Variants in SACS observed in about 807,000 individuals in gnomAD.
The protein encoded by SACS is sacsin molecular chaperone.
Under a neutral mutation model 348.0 loss-of-function variants are expected in SACS, and 197 were observed. That is an observed-to-expected ratio of 0.57 (90% CI 0.50 to 0.64). The LOEUF (loss-of-function observed/expected upper bound fraction) is 0.64, where lower values mean the gene tolerates loss of function less well. Ranked by LOEUF, SACS falls within the 30% of genes least tolerant of loss-of-function variation. The pLI, the probability that SACS is intolerant of heterozygous loss-of-function variation, is 0.00. For missense variants in SACS, 4,999 were observed against 5,360.8 expected (o/e 0.93, Z 2.11); for synonymous variants, 1,985 against 1,910.6 (o/e 1.04, Z -1.02).
At chr13:23,413,609 G>A (rs1216082762) in intron 1 of SACS, among the ~76,000 whole-genome samples, 9 of 152,082 alleles carry the variant, frequency 5.9e-5, no homozygotes, top group Admixed American at 5.9e-4. Context: ...AAGCTATACT[G>A]ATTACATTAT....
chr13:23,413,032 C>T (rs2137968075), intron 1 of SACS, among the ~76,000 whole-genome samples: 1 of 152,176 alleles, frequency 6.6e-6, no homozygotes, highest in Admixed American at 6.5e-5. Context: ...GGCTGGAGTG[C>T]AATGGCACAA....
At position 23,339,091 on chromosome 13, in the gene SACS, T is replaced by C; in HGVS notation, c.4785A>G (p.Lys1595=). Residue 1595 remains lysine (K), a synonymous_variant, in exon 10 of 10, where the codon AAA becomes AAG. Coordinates refer to ENST00000382292, the MANE Select transcript of SACS (RefSeq NM_014363.6). Reference sequence around the variant, plus strand: ...AATTAATTTTGATCCCAGGATTGGATTTGTCTTTAATGTGTTTACTGATAT... The same window carrying C: ...AATTAATTTTGATCCCAGGATTGGACTTGTCTTTAATGTGTTTACTGATAT... ...INHISKHIKD[K]SNPGIKINWS... is the part of the protein sequence containing the mutation. 1 of 1,611,968 alleles carries C rather than the reference T, an allele frequency of 6.2e-7. No homozygotes were observed. Among genetic ancestry groups the C allele is most frequent in the South Asian group, 1.1e-5 (1 of 90,608 alleles).
In SACS at chr13:23,334,934, A is replaced by G. The variant is rs1447340874; in HGVS notation, c.8942T>C (p.Leu2981Pro). Residue 2981 changes from leucine (L) to proline (P), a missense_variant, in exon 10 of 10, where the codon CTT becomes CCT. Leu to Pro is a moderately conservative substitution (Grantham distance 98). Coordinates refer to ENST00000382292, the MANE Select transcript of SACS (RefSeq NM_014363.6). ...QPDLYCLVKA[L>P]YNCIHEDMKR... is the part of the protein sequence containing the mutation. The stretch of plus-strand genomic sequence containing the variant: ...CATGTCTTCGTGAATGCAATTGTAA[A>G]GTGCTTTCACTAGACAATATAAATC... The G allele has an allele frequency of 9.3e-6, 15 of 1,613,952 alleles. No individual in the cohort carries two copies. The highest frequency in any genetic ancestry group is 1.3e-5 in the African/African-American group (1 of 75,034).
intron 2 of SACS, among the ~76,000 whole-genome samples, chr13:23,382,094 C>T (rs1872081204): frequency 6.6e-6 from 1 of 152,242 alleles, no homozygotes; most frequent in Non-Finnish European, 1.5e-5. Context: ...GCATCCACCA[C>T]TGGAGGGGAC....
intron 1 of SACS, among the ~76,000 whole-genome samples, chr13:23,413,049 C>G (rs1420509066): frequency 6.6e-6 from 1 of 152,164 alleles, no homozygotes; most frequent in East Asian, 1.9e-4. Context: ...ACAATCTCAG[C>G]TAACTGCAAC....
At chr13:23,423,565 G>T (rs935927622) in intron 1 of SACS, among the ~76,000 whole-genome samples, 1 of 152,110 alleles carries the variant, frequency 6.6e-6, no homozygotes, top group African/African-American at 2.4e-5. Context: ...AGATTATTAG[G>T]CCTCTATATG....
At chr13:23,377,625 C>T (rs1326860639) in intron 2 of SACS, among the ~76,000 whole-genome samples, 3 of 152,216 alleles carry the variant, frequency 2.0e-5, no homozygotes, top group Non-Finnish European at 2.9e-5. Flanking sequence ...CATTCGCTCT[C>T]GGAGCTCTCC....
At position 23,334,890 on chromosome 13, in the gene SACS, C is replaced by T; in HGVS notation, c.8986G>A (p.Val2996Met). 6.2e-7 allele frequency: 1 copy of T among 1,613,806 alleles called. No homozygotes were observed. Among genetic ancestry groups the T allele is most frequent in the Non-Finnish European group, 8.5e-7 (1 of 1,179,832 alleles). ...HEDMKRLLPV[V>M]RAPNIDGSDL... is the part of the protein sequence containing the mutation. ...GAGCCATCAATATTTGGAGCCCGCACAACAGGTAAAAGACGTTTCATGTCT... is the reference window on the plus strand; with the variant it reads ...GAGCCATCAATATTTGGAGCCCGCATAACAGGTAAAAGACGTTTCATGTCT... Residue 2996 changes from valine to methionine, a missense_variant, in exon 10 of 10, where the codon GTG becomes ATG. Physicochemically the swap from Val to Met is conservative, Grantham distance 21 (BLOSUM62 1). Transcript: ENST00000382292.
rs1403003359 is a variant in SACS at position 23,355,306 on chromosome 13, C to T, written c.1306G>A (p.Ala436Thr). Residue 436 changes from alanine (A) to threonine (T), a missense_variant, in exon 8 of 10, where the codon GCA (alanine) becomes ACA (threonine). Physicochemically the swap from Ala to Thr is moderately conservative, Grantham distance 58. Transcript: ENST00000382292. ...GCTTTTCCTGAGAAATCAGACGTTGCTCCTTTTGCTTCATCATCTCTGCTT... is the reference window on the plus strand; with the variant it reads ...GCTTTTCCTGAGAAATCAGACGTTGTTCCTTTTGCTTCATCATCTCTGCTT... ...LSSRDDEAKGATSDFSGKAFC... is the reference protein window; with the variant it reads ...LSSRDDEAKGTTSDFSGKAFC... The T allele has an allele frequency of 4.3e-6, 7 of 1,613,990 alleles. No individual in the cohort carries two copies. The highest frequency in any genetic ancestry group is 5.9e-6 in the Non-Finnish European group (7 of 1,180,050).
chr13:23,420,244 A>G (rs1873871710), intron 1 of SACS, among the ~76,000 whole-genome samples: 1 of 151,996 alleles, frequency 6.6e-6, no homozygotes, highest in Non-Finnish European at 1.5e-5. Context: ...TGATGTCCAG[A>G]TGGGGCATAG....
Position 23,335,371 on chromosome 13 carries a change from A to G in SACS, c.8505T>C (p.Ser2835=), listed in dbSNP as rs1868476676. Residue 2835 remains serine (S), a synonymous_variant, in exon 10 of 10, where the codon AGT becomes AGC. Coordinates refer to ENST00000382292, the MANE Select transcript of SACS (RefSeq NM_014363.6). This position sits in a 1 kb window ranked among gnomAD's most constrained non-coding sequence, Gnocchi z 4.7. ...GFSSMEKVSK[S]VISAHKNQDI... ...CTTGGTTCTTGTGAGCTGATATGAC[A>G]CTTTTAGATACTTTCTCCATACTTG... 1 of 1,613,874 alleles carries G rather than the reference A, an allele frequency of 6.2e-7. No individual in the cohort carries two copies. The highest frequency in any genetic ancestry group is 1.3e-5 in the African/African-American group (1 of 75,040).
At position 23,348,871 on chromosome 13, in the gene SACS, C is replaced by G. The variant is rs935605465; in HGVS notation, c.2185+4914G>C. Among the ~76,000 whole-genome samples, 5 of 152,168 alleles carry G rather than the reference C, an allele frequency of 3.3e-5. No individual in the cohort carries two copies. The East Asian group carries it at 9.6e-4, about 29-fold the overall frequency. On this transcript the variant is annotated intron_variant, in intron 9 of 9. Coordinates refer to ENST00000382292, the MANE Select transcript of SACS (RefSeq NM_014363.6). ...TAGGCACTGTGCTAGATGGTGGTAA[C>G]AAATCTGACAGGTCTCTCTGCTCTC...
intron 2 of SACS, among the ~76,000 whole-genome samples, chr13:23,390,170 T>C (rs1268113147): frequency 6.6e-6 from 1 of 152,204 alleles, no homozygotes; most frequent in Non-Finnish European, 1.5e-5. Context: ...AAAGAATTAG[T>C]GCTTTATTTC....
intron 2 of SACS, among the ~76,000 whole-genome samples, chr13:23,401,278 T>C (rs1457566448): frequency 1.3e-5 from 2 of 152,172 alleles, no homozygotes; most frequent in Non-Finnish European, 2.9e-5. Context: ...CTCTGCTCTC[T>C]GAGATAGATG....
At chr13:23,421,505 C>T (rs982927080) in intron 1 of SACS, among the ~76,000 whole-genome samples, 5 of 152,070 alleles carry the variant, frequency 3.3e-5, no homozygotes, top group Admixed American at 3.3e-4. Flanking sequence ...GCACCCAGGC[C>T]TGTTGCCTAC....
chr13:23,375,617 G>A (rs1019864953), intron 2 of SACS: 2 of 975,478 alleles, frequency 2.1e-6, no homozygotes, highest in South Asian at 9.6e-5. Context: ...ACGCCCACCC[G>A]CCGGGACCGT....
intron 2 of SACS, among the ~76,000 whole-genome samples, chr13:23,384,017 G>A (rs1281178916): frequency 6.6e-6 from 1 of 152,196 alleles, no homozygotes; most frequent in Non-Finnish European, 1.5e-5. Context: ...TAGAACTTCA[G>A]CCTTAAATCA....
At chr13:23,371,032 G>A (rs1335768627) in intron 4 of SACS, 46 bp downstream of exon 4, 6 of 1,235,068 alleles carry the variant, frequency 4.9e-6, no homozygotes, top group African/African-American at 4.6e-5. Context: ...CTCAATCTTT[G>A]TGCAACCCAA....
chr13:23,358,600 G>C, intron 6 of SACS, 119 bp from the exon 7 acceptor site: 1 of 1,036,384 alleles, frequency 9.6e-7, no homozygotes, highest in Non-Finnish European at 1.5e-6. Context: ...GGAGTGAATA[G>C]AGTGACTGAA....
Sources: gnomAD v4.1 joint callset for allele counts (sites outside exome capture counted in the v4.1 genomes callset) on GRCh38, gnomAD v4.1.1 for gene constraint, Gnocchi (gnomAD v3.1) non-coding constraint, MANE v1.5 for transcripts, NCBI Gene and HGNC (gene_info 2026-07-23, HGNC 2026-07-21) for gene names.